The following WDR20 variants were observed in gnomAD, a reference collection of about 807,000 sequenced individuals.
The protein encoded by WDR20 is WD repeat-containing protein 20.
WDR20 carries 3 observed loss-of-function variants against 38.7 expected under a neutral mutation model. That is an observed-to-expected ratio of 0.08 (90% CI 0.04 to 0.20). The LOEUF is 0.20. Ranked by LOEUF, WDR20 falls within the 10% of genes least tolerant of loss-of-function variation. The pLI is 1.00. For missense variants in WDR20, 559 were observed against 727.7 expected (o/e 0.77, Z 2.67); for synonymous variants, 298 against 285.6 (o/e 1.04, Z -0.44).
At chr14:102,146,724 T>A (rs1222219041) in intron 1 of WDR20, among the ~76,000 whole-genome samples, 2 of 151,734 alleles carry the variant, frequency 1.3e-5, no homozygotes, top group African/African-American at 4.8e-5. Flanking sequence ...AAAAAAAATT[T>A]CCCCCCCACA....
intron 1 of WDR20, among the ~76,000 whole-genome samples, chr14:102,148,309 C>T (rs1302268143): frequency 2.6e-5 from 4 of 151,904 alleles, no homozygotes; most frequent in Admixed American, 1.3e-4. Flanking sequence ...TTTAGGAGAC[C>T]GAGGCAGGAG....
chr14:102,223,910 G>A (rs1344916696), downstream of WDR20, among the ~76,000 whole-genome samples: 2 of 152,180 alleles, frequency 1.3e-5, no homozygotes, highest in African/African-American at 4.8e-5. Flanking sequence ...CAGGGCTTCA[G>A]GATCACGTTT....
rs371304506 is a variant in WDR20, at chr14:102,221,686, C to T, written c.1693-1144C>T. ...AAGAAACGGGATGAAATGACTTGAG[C>T]GGGACAGCTTGCTTCCAGGCTTCCG... On this transcript the variant is annotated intron_variant, in intron 3 of 3. Transcript: ENST00000335263. The surrounding 1 kb of genome is among the most constrained non-coding windows in gnomAD (Gnocchi z 4.8). Among the ~76,000 whole-genome samples, 1 of 152,148 alleles carries T rather than the reference C, an allele frequency of 6.6e-6. No homozygotes were observed. Among genetic ancestry groups the T allele is most frequent in the Non-Finnish European group, 1.5e-5 (1 of 68,016 alleles).
chr14:102,167,223 A>G (rs1185491249), intron 1 of WDR20, among the ~76,000 whole-genome samples: 2 of 151,726 alleles, frequency 1.3e-5, no homozygotes, highest in African/African-American at 4.8e-5. Flanking sequence ...TTATTTATTT[A>G]TTTATTTGAC....
chr14:102,140,368 G>A (rs1341717996), intron 1 of WDR20, among the ~76,000 whole-genome samples, 196 bp downstream of exon 1: 2 of 152,110 alleles, frequency 1.3e-5, no homozygotes, highest in Non-Finnish European at 2.9e-5. Flanking sequence ...CGTTTCGAAG[G>A]GGTGGGGGCA....
chr14:102,149,568 C>G (rs926865612), intron 1 of WDR20, among the ~76,000 whole-genome samples: 2 of 152,090 alleles, frequency 1.3e-5, no homozygotes, highest in African/African-American at 4.8e-5. Flanking sequence ...TTCAGAAATG[C>G]TTTATTTTTA....
chr14:102,224,125 T>C (rs1460734140), downstream of WDR20, among the ~76,000 whole-genome samples: 3 of 147,364 alleles, frequency 2.0e-5, no homozygotes, highest in Non-Finnish European at 4.4e-5. Flanking sequence ...CACTGCAAGC[T>C]CCGCCTCCCG....
intron 1 of WDR20, among the ~76,000 whole-genome samples, chr14:102,146,796 G>A (rs1047383217): frequency 6.6e-6 from 1 of 152,078 alleles, no homozygotes; most frequent in Non-Finnish European, 1.5e-5. Context: ...CTCCCCTTTT[G>A]TAATTTTTCA....
intron 2 of WDR20, among the ~76,000 whole-genome samples, chr14:102,196,654 A>G (rs534272803): frequency 7.2e-6 from 1 of 138,912 alleles, no homozygotes; most frequent in South Asian, 2.2e-4. Flanking sequence ...GTGTCGTGGC[A>G]GGGGGAGGGC....
chr14:102,193,433 A>G lies in WDR20; in HGVS notation c.250-1505A>G, dbSNP rs2058877273. On this transcript the variant is annotated intron_variant, in intron 1 of 2. Coordinates refer to ENST00000342702, the MANE Select transcript of WDR20 (RefSeq NM_144574.4). ...GTATTACACTTTTCAAGGCTCTTTC[A>G]TGTATATATTCTCTTATTTCATCCT... 3 of 1,605,698 alleles carry G rather than the reference A, an allele frequency of 1.9e-6. No individual in the cohort carries two copies. The East Asian group carries it at 6.7e-5, about 36-fold the overall frequency.
At chr14:102,183,985 C>G (rs2063968162) in intron 1 of WDR20, among the ~76,000 whole-genome samples, 1 of 152,170 alleles carries the variant, frequency 6.6e-6, no homozygotes. Context: ...AATTTGAAAT[C>G]ATCTTTTGCA....
At chr14:102,176,452 A>G (rs181125501) in intron 1 of WDR20, among the ~76,000 whole-genome samples, 1,813 of 152,142 alleles carry the variant, frequency 0.012, 16 homozygotes, top group Middle Eastern at 0.041. Flanking sequence ...TAATCCCAGC[A>G]CTTTGGGAGG....
chr14:102,212,406 G>A, downstream of WDR20: 1 of 1,169,354 alleles, frequency 8.6e-7, no homozygotes, highest in East Asian at 2.6e-5. Flanking sequence ...GGGAGGGGCT[G>A]CCTTTGACTG....
chr14:102,223,224 A>T (rs79043121), exon 4 of WDR20: 1 of 156,052 alleles, frequency 6.4e-6, no homozygotes, highest in African/African-American at 2.4e-5. Context: ...TTGGACAAGA[A>T]ATCCCCTGAA....
intron 1 of WDR20, among the ~76,000 whole-genome samples, chr14:102,181,967 T>A (rs1488571381): frequency 6.6e-6 from 1 of 152,176 alleles, no homozygotes; most frequent in Non-Finnish European, 1.5e-5. Flanking sequence ...ATATTTTTAT[T>A]TCAGGTTTCA....
At chr14:102,168,036 G>C (rs756347423) in intron 1 of WDR20, among the ~76,000 whole-genome samples, 2 of 152,166 alleles carry the variant, frequency 1.3e-5, no homozygotes, top group Non-Finnish European at 2.9e-5. Flanking sequence ...TGTGTTTGGT[G>C]ACATGATATA....
At position 102,210,172 on chromosome 14, in the gene WDR20, A is replaced by G; in HGVS notation, c.*292A>G. Reference sequence around the variant, plus strand: ...TGTATTAGACTATTTCAATTTTAGGAAAATCATGACCATGTGGGGAAACAA... The same window carrying G: ...TGTATTAGACTATTTCAATTTTAGGGAAATCATGACCATGTGGGGAAACAA... On this transcript the variant is annotated 3_prime_UTR_variant, in exon 3 of 3. Coordinates refer to ENST00000342702, the MANE Select transcript of WDR20 (RefSeq NM_144574.4). 1 of 1,090,954 alleles carries G rather than the reference A, an allele frequency of 9.2e-7. No homozygotes were observed. The highest frequency in any genetic ancestry group is 1.1e-6 in the Non-Finnish European group (1 of 897,704). The allele number at this position is 1,090,954 out of a possible 1,614,324, so 67.6% of individuals were successfully genotyped here. A position where few individuals can be genotyped will look rare whatever the true frequency, so the allele number is the denominator to read the frequency against.
intron 1 of WDR20, among the ~76,000 whole-genome samples, chr14:102,154,989 C>G (rs574967194): frequency 1.8e-4 from 27 of 152,178 alleles, no homozygotes; most frequent in Non-Finnish European, 3.4e-4. Flanking sequence ...CCAGCTTTTA[C>G]TCCCTGCATT....
intron 1 of WDR20, among the ~76,000 whole-genome samples, chr14:102,160,818 G>A (rs1016138015): frequency 1.3e-5 from 2 of 150,604 alleles, no homozygotes; most frequent in East Asian, 4.0e-4. Flanking sequence ...TGTAGTGGCA[G>A]GCACCTGTAT....
Sources: allele counts gnomAD v4.1 joint callset (sites outside exome capture counted in the v4.1 genomes callset), GRCh38; gene constraint gnomAD v4.1.1; non-coding constraint Gnocchi (gnomAD v3.1); transcripts MANE v1.5; gene names NCBI Gene and HGNC (gene_info 2026-07-23, HGNC 2026-07-21).